The following IGFL4 variants were observed in gnomAD, a reference collection of about 807,000 sequenced individuals.
IGFL4 encodes IGF like family member 4.
A neutral mutation model predicts 15.4 loss-of-function variants in IGFL4; 12 were observed. The observed-to-expected ratio is 0.78, with a 90% CI of 0.50 to 1.26. The LOEUF (loss-of-function observed/expected upper bound fraction) is 1.26, where lower values mean the gene tolerates loss of function less well. IGFL4 is among the 50% of genes most tolerant of loss of function. The probability of loss-of-function intolerance (pLI) is 0.00; values close to 1 mark genes in which losing one functional copy is unlikely to be tolerated. For missense variants in IGFL4, 126 were observed against 147.8 expected, an observed-to-expected ratio of 0.85 and a Z score of 0.76; for synonymous variants, 54 against 55.9, an observed-to-expected ratio of 0.97 and a Z score of 0.16.
intron 1 of IGFL4, among the ~76,000 whole-genome samples, chr19:46,067,630 G>A (rs192939939): frequency 1.3e-3 from 200 of 152,282 alleles, no homozygotes; most frequent in Non-Finnish European, 2.4e-3. Context: ...CCTCATCCAC[G>A]TGTGCTCAGG....
chr19:46,042,431 A>C (rs1378981528), upstream of IGFL4, among the ~76,000 whole-genome samples: 1 of 152,186 alleles, frequency 6.6e-6, no homozygotes, highest in Non-Finnish European at 1.5e-5. Flanking sequence ...CCAGCAACCA[A>C]GAAATTTATG....
rs1969234697 is a variant in IGFL4 at position 46,040,792 on chromosome 19, A to G, written c.19+152T>C. ...CTGGAATTTGCAGTTCAGGAGACAG[A>G]TTACAATGCAGTCACAGATGACATA... On this transcript the variant is annotated intron_variant, in intron 1 of 3. Coordinates refer to ENST00000377697, the MANE Select transcript of IGFL4 (RefSeq NM_001002923.3). This position sits in a 1 kb window ranked among gnomAD's most constrained non-coding sequence, Gnocchi z 4.1. 1.1e-6 allele frequency: 1 copy of G among 947,132 alleles called. No homozygotes were observed. The highest frequency in any genetic ancestry group is 1.7e-5 in the African/African-American group (1 of 60,332). 58.7% of individuals were successfully genotyped at this position (947,132 alleles called of 1,614,324 possible). A position where few individuals can be genotyped will look rare whatever the true frequency, so the allele number is the denominator to read the frequency against.
At chr19:46,073,202 T>C (rs1226012140) in intron 1 of IGFL4, among the ~76,000 whole-genome samples, 1 of 152,206 alleles carries the variant, frequency 6.6e-6, no homozygotes, top group African/African-American at 2.4e-5. Context: ...CTTTACAACA[T>C]TCTTGTAAAT....
At chr19:46,056,366 T>A (rs1036237936) in intron 2 of IGFL4, among the ~76,000 whole-genome samples, 1 of 152,212 alleles carries the variant, frequency 6.6e-6, no homozygotes, top group Non-Finnish European at 1.5e-5. Context: ...GAAAGTTCCA[T>A]TGGACAGCTA....
At chr19:46,056,894 A>C (rs964289089) in intron 2 of IGFL4, among the ~76,000 whole-genome samples, 1 of 152,136 alleles carries the variant, frequency 6.6e-6, no homozygotes, top group African/African-American at 2.4e-5. Flanking sequence ...GAAACCTTTG[A>C]CCTGACCCTC....
chr19:46,045,835 C>T (rs1969293065), upstream of IGFL4, among the ~76,000 whole-genome samples: 1 of 152,160 alleles, frequency 6.6e-6, no homozygotes, highest in African/African-American at 2.4e-5. Context: ...AGTTGGAAAA[C>T]ATACTCCAGG....
chr19:46,053,158 C>T (rs1024843083), intron 2 of IGFL4, among the ~76,000 whole-genome samples: 2 of 152,152 alleles, frequency 1.3e-5, no homozygotes, highest in African/African-American at 2.4e-5. Flanking sequence ...GTCACTTACA[C>T]TGCAATATAG....
At chr19:46,066,675 GA>G (rs1969497957) in intron 1 of IGFL4, among the ~76,000 whole-genome samples, 2 of 152,146 alleles carry the variant, frequency 1.3e-5, no homozygotes, top group Admixed American at 1.3e-4. Context: ...GCTAGAGTGG[GA>G]ATGAGACTGA....
chr19:46,041,343 G>T (rs770867621), upstream of IGFL4, among the ~76,000 whole-genome samples: 2 of 152,096 alleles, frequency 1.3e-5, no homozygotes, highest in African/African-American at 4.8e-5. Flanking sequence ...ACCAAACACC[G>T]GCTGTCTCTA....
At chr19:46,075,352 C>T (rs927624612) in intron 1 of IGFL4, among the ~76,000 whole-genome samples, 5 of 152,158 alleles carry the variant, frequency 3.3e-5, no homozygotes, top group African/African-American at 1.2e-4. Flanking sequence ...CTTTAGCCTC[C>T]TCTTGACTGT....
At chr19:46,042,001 G>T (rs1568709755), upstream of IGFL4, among the ~76,000 whole-genome samples, 1 of 151,834 alleles carries the variant, frequency 6.6e-6, no homozygotes. Flanking sequence ...TCCTGGCCTG[G>T]CTAATTTTTT....
chr19:46,049,096 G>T (rs1969322929), intron 2 of IGFL4, among the ~76,000 whole-genome samples: 1 of 152,080 alleles, frequency 6.6e-6, no homozygotes, highest in Non-Finnish European at 1.5e-5. Context: ...ATGCCTCCTG[G>T]TCTCTGATGG....
intron 2 of IGFL4, among the ~76,000 whole-genome samples, chr19:46,049,888 G>A (rs1469443297): frequency 6.6e-6 from 1 of 152,154 alleles, no homozygotes; most frequent in Non-Finnish European, 1.5e-5. Flanking sequence ...CACACATACA[G>A]CCAAGGACCC....
chr19:46,070,545 T>C (rs1969536293), intron 1 of IGFL4, among the ~76,000 whole-genome samples: 1 of 152,014 alleles, frequency 6.6e-6, no homozygotes, highest in Non-Finnish European at 1.5e-5. Context: ...GGTTGTGTGA[T>C]TGTGCAGAGT....
chr19:46,061,838 G>A (rs1034885336), intron 1 of IGFL4, among the ~76,000 whole-genome samples: 12 of 152,032 alleles, frequency 7.9e-5, no homozygotes, highest in African/African-American at 1.2e-4. Flanking sequence ...AAAGCAAAGC[G>A]CCATATATTC....
chr19:46,069,457 C>T (rs1420031777), intron 1 of IGFL4, among the ~76,000 whole-genome samples: 1 of 152,170 alleles, frequency 6.6e-6, no homozygotes, highest in Non-Finnish European at 1.5e-5. Flanking sequence ...GCTTCCTACC[C>T]TCCCCAAAGG....
At chr19:46,056,774 A>G (rs1283891664) in intron 2 of IGFL4, among the ~76,000 whole-genome samples, 1 of 152,258 alleles carries the variant, frequency 6.6e-6, no homozygotes, top group Non-Finnish European at 1.5e-5. Flanking sequence ...ACCCAGCCAC[A>G]GAAGACAGAA....
At chr19:46,054,163 T>C (rs192741588) in intron 2 of IGFL4, among the ~76,000 whole-genome samples, 1 of 152,360 alleles carries the variant, frequency 6.6e-6, no homozygotes, top group African/African-American at 2.4e-5. Context: ...TTTGAGGTTT[T>C]ATTCATAAGA....
chr19:46,046,436 A>C (rs1055921485), intron 2 of IGFL4, among the ~76,000 whole-genome samples: 1 of 152,212 alleles, frequency 6.6e-6, no homozygotes, highest in African/African-American at 2.4e-5. Context: ...AGTGGGCTAA[A>C]TTCCTGAATT....
Sources: gnomAD v4.1 joint callset for allele counts (sites outside exome capture counted in the v4.1 genomes callset) on GRCh38, gnomAD v4.1.1 for gene constraint, Gnocchi (gnomAD v3.1) non-coding constraint, MANE v1.5 for transcripts, NCBI Gene and HGNC (gene_info 2026-07-23, HGNC 2026-07-21) for gene names.